The following CRLS1 variants were observed in gnomAD, a reference collection of about 807,000 sequenced individuals.
CRLS1 encodes cardiolipin synthase 1.
CRLS1 carries 24 observed loss-of-function variants against 37.0 expected under a neutral mutation model. The ratio of observed to expected loss-of-function variants is 0.65; its 90% CI spans 0.47 to 0.91. The LOEUF (loss-of-function observed/expected upper bound fraction) is 0.91, where lower values mean the gene tolerates loss of function less well. Ranked by LOEUF, CRLS1 falls within the 40% of genes least tolerant of loss-of-function variation. CRLS1 has a pLI of 0.00. For missense variants in CRLS1, 373 were observed against 395.8 expected (o/e 0.94, Z 0.49); for synonymous variants, 135 against 159.7 (o/e 0.85, Z 1.17).
At chr20:6,029,894 G>A in intron 3 of CRLS1, among the ~76,000 whole-genome samples, 1 of 152,160 alleles carries the variant, frequency 6.6e-6, no homozygotes, top group Non-Finnish European at 1.5e-5. Flanking sequence ...GTACATCATA[G>A]CTATAACAGC....
chr20:6,016,215 G>T (rs918232575), intron 3 of CRLS1, among the ~76,000 whole-genome samples: 3 of 152,108 alleles, frequency 2.0e-5, no homozygotes, highest in African/African-American at 7.2e-5. Flanking sequence ...GAAAGAAATT[G>T]TATCTGAGAA....
chr20:6,014,561 G>A (rs1978591865), intron 2 of CRLS1, among the ~76,000 whole-genome samples: 1 of 152,172 alleles, frequency 6.6e-6, no homozygotes, highest in Non-Finnish European at 1.5e-5. Flanking sequence ...TGTTTAATGT[G>A]AATAGACAGT....
Position 6,032,029 on chromosome 20 carries a change from T to G in CRLS1, c.678T>G (p.Tyr226Ter), listed in dbSNP as rs1980202430. 1 of 1,612,762 alleles carries G rather than the reference T, an allele frequency of 6.2e-7. No homozygotes were observed. Among genetic ancestry groups the G allele is most frequent in the Non-Finnish European group, 8.5e-7 (1 of 1,179,076 alleles). Residue 226 changes from tyrosine to a stop codon, truncating the protein, a stop_gained, in exon 5 of 7, where the codon TAT becomes TAG. Coordinates refer to ENST00000378863, the MANE Select transcript of CRLS1 (RefSeq NM_019095.6). LOFTEE classifies it high-confidence loss of function. ...TCTGCCAGCGAACACTTGCCAAGTA[T>G]TTCAATCCTTGCTATGCCACTGCTA... is the stretch of plus-strand genomic sequence containing the variant. Reference protein sequence around the residue: ...TLPTPRTLAKYFNPCYATARL... With the variant: ...TLPTPRTLAK
intron 1 of CRLS1, among the ~76,000 whole-genome samples, chr20:6,009,018 C>T (rs540828938): frequency 1.4e-4 from 21 of 152,190 alleles, no homozygotes; most frequent in Non-Finnish European, 2.9e-4. Flanking sequence ...GTTCTGTCTT[C>T]CCTCTCTTAA....
At chr20:6,023,477 C>T (rs927946502) in intron 3 of CRLS1, 1 of 152,106 alleles carries the variant, frequency 6.6e-6, no homozygotes, top group African/African-American at 2.4e-5. Context: ...TTTCTCCCAA[C>T]CCTGTGGGAA....
At chr20:6,022,336 T>C (rs1271160804) in intron 3 of CRLS1, among the ~76,000 whole-genome samples, 1 of 16,704 alleles carries the variant, frequency 6.0e-5, no homozygotes, top group Non-Finnish European at 1.3e-4. Context: ...AATCCATTGC[T>C]TTTTTTTTTT....
At chr20:6,009,644 T>C (rs1367202944) in intron 1 of CRLS1, 131 bp from the exon 2 acceptor site, 4 of 646,010 alleles carry the variant, frequency 6.2e-6, no homozygotes, top group Non-Finnish European at 1.0e-5. Flanking sequence ...TTCAATTTAA[T>C]GTACTAAATT....
chr20:6,020,927 C>T (rs940506647), intron 3 of CRLS1, among the ~76,000 whole-genome samples: 3 of 151,920 alleles, frequency 2.0e-5, no homozygotes, highest in Non-Finnish European at 4.4e-5. Context: ...CCACCGCGCC[C>T]GGCCTAATCC....
chr20:6,015,679 G>GT, intron 3 of CRLS1, 189 bp downstream of exon 3: 1 of 548,154 alleles, frequency 1.8e-6, no homozygotes, highest in South Asian at 2.0e-5. Flanking sequence ...TTATGTCCTT[G>GT]TTTTACTAGT....
At chr20:6,035,198 C>T (rs1980454758) in intron 6 of CRLS1, among the ~76,000 whole-genome samples, 1 of 152,060 alleles carries the variant, frequency 6.6e-6, no homozygotes, top group Non-Finnish European at 1.5e-5. Flanking sequence ...TTAAGCCAGG[C>T]AGTCTTTTAA....
intron 5 of CRLS1, among the ~76,000 whole-genome samples, chr20:6,032,731 C>T (rs1054989349): frequency 2.0e-5 from 3 of 152,194 alleles, no homozygotes; most frequent in African/African-American, 7.2e-5. Context: ...CAGTCTACCT[C>T]TCAAGCCATA....
chr20:6,026,511 T>C (rs73603050), intron 3 of CRLS1, among the ~76,000 whole-genome samples: 2,361 of 152,316 alleles, frequency 0.016, 63 homozygotes, highest in African/African-American at 0.054. Flanking sequence ...TGAGGCATGC[T>C]TGTATTTATT....
Position 6,037,186 on chromosome 20 carries a change from G to A in CRLS1, c.*28G>A. 1 of 1,541,356 alleles carries A rather than the reference G, an allele frequency of 6.5e-7. No individual in the cohort carries two copies. The highest frequency in any genetic ancestry group is 9.0e-7 in the Non-Finnish European group (1 of 1,114,838). On this transcript the variant is annotated 3_prime_UTR_variant, in exon 7 of 7. Transcript: ENST00000378863. ...AAAGTCATCCCTCACTGTTAGTAAG[G>A]AAGCAGTATACATCAATGGGAACAG... is the stretch of plus-strand genomic sequence containing the variant.
At chr20:6,035,468 T>A (rs537559971) in intron 6 of CRLS1, among the ~76,000 whole-genome samples, 2 of 152,308 alleles carry the variant, frequency 1.3e-5, no homozygotes, top group South Asian at 4.1e-4. Context: ...TTCCCTAGTC[T>A]TTTCACAATC....
rs1980848736 is a variant in CRLS1 at position 6,039,744 on chromosome 20, A to AC, written c.*2586_*2587insC. On this transcript the variant is annotated 3_prime_UTR_variant, in exon 7 of 7. Coordinates refer to ENST00000378863, the MANE Select transcript of CRLS1 (RefSeq NM_019095.6). Reference sequence around the variant, plus strand: ...GCCCCAATAACTAGGTTTTTTTGTTAAAAAAAAAAAAAAAGGAAATGTGAA... The same window carrying AC: ...GCCCCAATAACTAGGTTTTTTTGTTACAAAAAAAAAAAAAAGGAAATGTGAA... The AC allele has an allele frequency of 1.5e-4, 2 of 12,910 alleles. No homozygotes were observed. Among genetic ancestry groups the AC allele is most frequent in the African/African-American group, 1.8e-3 (2 of 1,124 alleles). 0.8% of individuals were successfully genotyped at this position (12,910 alleles called of 1,614,324 possible).
chr20:6,010,581 G>C (rs2090119919), intron 2 of CRLS1, among the ~76,000 whole-genome samples: 1 of 152,172 alleles, frequency 6.6e-6, no homozygotes, highest in Admixed American at 6.5e-5. Context: ...TACATTGTTA[G>C]TTTTGATAGA....
intron 3 of CRLS1, among the ~76,000 whole-genome samples, chr20:6,018,216 CAAAAA>C (rs57874755): frequency 2.7e-4 from 21 of 78,350 alleles, no homozygotes; most frequent in African/African-American, 1.0e-3. Flanking sequence ...ACTCTGTCCT[CAAAAA>C]AAAAAAAAAA....
intron 2 of CRLS1, among the ~76,000 whole-genome samples, chr20:6,010,894 G>T (rs1433776272): frequency 1.3e-5 from 2 of 152,152 alleles, no homozygotes; most frequent in Non-Finnish European, 2.9e-5. Flanking sequence ...GCATACGCCT[G>T]CAGTCCTAGG....
intron 3 of CRLS1, among the ~76,000 whole-genome samples, chr20:6,017,909 A>C (rs1254059470): frequency 6.6e-6 from 1 of 152,088 alleles, no homozygotes; most frequent in Non-Finnish European, 1.5e-5. Context: ...TGCTTTTATA[A>C]ATGGTAGCTT....
Sources: allele counts gnomAD v4.1 joint callset (sites outside exome capture counted in the v4.1 genomes callset), GRCh38; gene constraint gnomAD v4.1.1; transcripts MANE v1.5; gene names NCBI Gene and HGNC (gene_info 2026-07-23, HGNC 2026-07-21).